The following DGKB variants were observed in gnomAD, a reference collection of about 807,000 sequenced individuals.
The protein encoded by DGKB is diacylglycerol kinase beta.
DGKB carries 67 observed loss-of-function variants against 114.3 expected under a neutral mutation model. The ratio of observed to expected loss-of-function variants is 0.59; its 90% CI spans 0.48 to 0.72. The LOEUF is 0.72. Ranked by LOEUF, DGKB falls within the 30% of genes least tolerant of loss-of-function variation. DGKB has a pLI of 0.00. For missense variants in DGKB, 907 were observed against 975.2 expected (o/e 0.93, Z 0.93); for synonymous variants, 398 against 323.1 (o/e 1.23, Z -2.49).
In DGKB at chr7:14,158,723, A is replaced by G. The variant is rs77529648; in HGVS notation, c.2305-9485T>C. Among the ~76,000 whole-genome samples, 344 of 152,324 alleles carry G rather than the reference A, an allele frequency of 2.3e-3. 1 individual carries two copies. Among genetic ancestry groups the G allele is most frequent in the African/African-American group, 8.1e-3 (335 of 41,568 alleles). On this transcript the variant is annotated intron_variant, in intron 25 of 25. Transcript: ENST00000402815. ...GTGCTTAAGGCATTGAATAGGGAGA[A>G]TAATTCAGTTGAAATAGTACTGGAT...
intron 21 of DGKB, among the ~76,000 whole-genome samples, chr7:14,459,335 A>G (rs144489216): frequency 0.014 from 2,156 of 152,278 alleles, 56 homozygotes; most frequent in African/African-American, 0.047. Flanking sequence ...AACCCAATGC[A>G]AGGAAGCAAA....
chr7:14,860,195 A>C (rs2128177856), intron 1 of DGKB, among the ~76,000 whole-genome samples: 1 of 152,258 alleles, frequency 6.6e-6, no homozygotes, highest in South Asian at 2.1e-4. Context: ...ATATAAACTT[A>C]AAATATCTAC....
At chr7:14,882,805 G>A (rs217576) in intron 1 of DGKB, among the ~76,000 whole-genome samples, 12,267 of 151,942 alleles carry the variant, frequency 0.081, 691 homozygotes, top group Middle Eastern at 0.12. Flanking sequence ...ACTACATTGT[G>A]TATATATGCC....
At chr7:14,760,780 C>T (rs565904893) in intron 2 of DGKB, among the ~76,000 whole-genome samples, 3 of 152,154 alleles carry the variant, frequency 2.0e-5, no homozygotes, top group African/African-American at 7.2e-5. Context: ...ATGGCCTTTT[C>T]GTTTCAGGTT....
chr7:14,340,066 A>T (rs1263543600), intron 22 of DGKB, among the ~76,000 whole-genome samples: 1 of 151,716 alleles, frequency 6.6e-6, no homozygotes, highest in Non-Finnish European at 1.5e-5. Flanking sequence ...ACATCTTGAG[A>T]CTACTTGGCA....
chr7:14,673,073 G>T, intron 12 of DGKB, 46 bp from the exon 13 acceptor site: 2 of 1,063,538 alleles, frequency 1.9e-6, no homozygotes, highest in South Asian at 1.4e-5. Context: ...ACATGACAAC[G>T]CCTAACATGG....
At chr7:14,919,850 C>T (rs1285899524) in intron 1 of DGKB, among the ~76,000 whole-genome samples, 1 of 152,248 alleles carries the variant, frequency 6.6e-6, no homozygotes, top group South Asian at 2.1e-4. Flanking sequence ...TCCCCTCTCT[C>T]TTGCTCCTTT....
intron 20 of DGKB, among the ~76,000 whole-genome samples, chr7:14,529,788 T>C (rs1791261263): frequency 6.6e-6 from 1 of 151,806 alleles, no homozygotes; most frequent in Non-Finnish European, 1.5e-5. Context: ...TGAGTATTGT[T>C]GCATGGCTTA....
Position 14,416,661 on chromosome 7 carries a change from G to A in DGKB, c.1835+61500C>T, listed in dbSNP as rs10234210. Among the ~76,000 whole-genome samples the A allele has an allele frequency of 5.5e-3, 830 of 152,114 alleles. 6 individuals are homozygous for A. The highest frequency in any genetic ancestry group is 0.019 in the African/African-American group (787 of 41,502). ...TTTAAGGGGAAACACCTTTCACTTG[G>A]CTCTCATTCTTTCTTGTGTGCTGCC... is the stretch of plus-strand genomic sequence containing the variant. On this transcript the variant is annotated intron_variant, in intron 21 of 25. Coordinates refer to ENST00000402815, the MANE Select transcript of DGKB (RefSeq NM_001350709.2).
At chr7:14,695,852 TG>T (rs1823775444) in intron 8 of DGKB, among the ~76,000 whole-genome samples, 1 of 152,006 alleles carries the variant, frequency 6.6e-6, no homozygotes, top group African/African-American at 2.4e-5. Flanking sequence ...AGCCTGCTGA[TG>T]TGTACATTTG....
chr7:14,750,354 A>G (rs1322868358), intron 4 of DGKB, among the ~76,000 whole-genome samples: 1 of 152,240 alleles, frequency 6.6e-6, no homozygotes, highest in Admixed American at 6.5e-5. Context: ...CAAATAAGGT[A>G]TAACAATTAA....
chr7:14,384,692 C>T (rs1305388795), intron 21 of DGKB, among the ~76,000 whole-genome samples: 2 of 152,226 alleles, frequency 1.3e-5, no homozygotes, highest in African/African-American at 4.8e-5. Flanking sequence ...CTAACACAAA[C>T]TAAACCTTTA....
chr7:14,666,579 C>A (rs889910320), intron 13 of DGKB, among the ~76,000 whole-genome samples: 2 of 151,888 alleles, frequency 1.3e-5, no homozygotes, highest in Non-Finnish European at 2.9e-5. Flanking sequence ...TTTTGACAAT[C>A]AGTTGGGAAG....
chr7:14,255,364 T>C (rs1035852759), intron 23 of DGKB, among the ~76,000 whole-genome samples: 5 of 152,178 alleles, frequency 3.3e-5, no homozygotes, highest in African/African-American at 1.2e-4. Flanking sequence ...AGAGTCAATA[T>C]GTGTATACTC....
rs1343682270 is a variant in DGKB, at chr7:14,769,272, AAGAAAG to A, written c.71-11547_71-11542del. ...AAAGAAAGAAAGAAAGAAAGAAAGA[AAGAAAG>A]AAAGATTTTGTAAAGGAGTTTAGTT... On this transcript the variant is annotated intron_variant, in intron 2 of 25. Transcript: ENST00000402815. 3.7e-3 allele frequency among the ~76,000 whole-genome samples: 280 copies of A among 76,184 alleles called. 6 individuals carry two copies. The highest frequency in any genetic ancestry group is 0.027 in the African/African-American group (249 of 9,100). The allele number at this position is 76,184 out of a possible 152,430, so 50.0% of individuals were successfully genotyped here. A position where few individuals can be genotyped will look rare whatever the true frequency, so the allele number is the denominator to read the frequency against.
At chr7:14,886,041 G>A (rs1433950613) in intron 1 of DGKB, among the ~76,000 whole-genome samples, 2 of 151,816 alleles carry the variant, frequency 1.3e-5, no homozygotes, top group Non-Finnish European at 2.9e-5. Context: ...TGAGGAGGAT[G>A]GAATACAAGT....
At chr7:14,351,683 T>G (rs1025241239) in intron 21 of DGKB, among the ~76,000 whole-genome samples, 46 of 152,288 alleles carry the variant, frequency 3.0e-4, no homozygotes, top group African/African-American at 1.1e-3. Flanking sequence ...GAATGGGAAC[T>G]TTTACTCAAA....
At chr7:14,355,023 C>A (rs927588721) in intron 21 of DGKB, among the ~76,000 whole-genome samples, 3 of 152,138 alleles carry the variant, frequency 2.0e-5, no homozygotes, top group African/African-American at 7.2e-5. Flanking sequence ...GCAGCAGAAA[C>A]AACTAGCTGG....
intron 1 of DGKB, among the ~76,000 whole-genome samples, chr7:14,908,691 T>G (rs995048357): frequency 6.6e-6 from 1 of 152,162 alleles, no homozygotes; most frequent in Non-Finnish European, 1.5e-5. Flanking sequence ...TAGAGCTATT[T>G]TTTATTAAAT....
Sources: allele counts gnomAD v4.1 joint callset (sites outside exome capture counted in the v4.1 genomes callset), GRCh38; gene constraint gnomAD v4.1.1; transcripts MANE v1.5; gene names NCBI Gene and HGNC (gene_info 2026-07-23, HGNC 2026-07-21).